The following TMEM106A variants were observed in gnomAD, a reference collection of about 807,000 sequenced individuals.
The protein encoded by TMEM106A is transmembrane protein 106A.
A neutral mutation model predicts 25.1 loss-of-function variants in TMEM106A; 22 were observed. The observed-to-expected ratio is 0.88, with a 90% CI of 0.63 to 1.25. The LOEUF (loss-of-function observed/expected upper bound fraction) is 1.25, where lower values mean the gene tolerates loss of function less well. Ranked by LOEUF, TMEM106A falls within the 50% of genes most tolerant of loss-of-function variation. The probability of loss-of-function intolerance (pLI) is 0.00; values close to 1 mark genes in which losing one functional copy is unlikely to be tolerated. For missense variants in TMEM106A, 275 were observed against 318.1 expected (o/e 0.86, Z 1.03); for synonymous variants, 104 against 129.9 (o/e 0.80, Z 1.35).
At chr17:43,216,008 G>A (rs2057482272) in intron 5 of TMEM106A, 67 bp downstream of exon 5, 2 of 1,591,468 alleles carry the variant, frequency 1.3e-6, no homozygotes, top group Non-Finnish European at 8.6e-7. Context: ...TTTGTCCAGT[G>A]TTATGACCCT....
intron 7 of TMEM106A, 164 bp from the exon 8 acceptor site, chr17:43,217,095 C>T: frequency 1.3e-6 from 1 of 742,224 alleles, no homozygotes; most frequent in East Asian, 2.5e-5. Context: ...CATGCTGCTA[C>T]ACTCACCTGA....
chr17:43,214,969 A>G (rs571831154), intron 4 of TMEM106A, among the ~76,000 whole-genome samples: 49 of 150,266 alleles, frequency 3.3e-4, no homozygotes, highest in Admixed American at 6.0e-4. Flanking sequence ...GAAAAAAAAA[A>G]AAAAACAAAA....
chr17:43,217,219 T>G (rs375149576), intron 7 of TMEM106A, 40 bp from the exon 8 acceptor site: 1 of 1,609,324 alleles, frequency 6.2e-7, no homozygotes, highest in African/African-American at 1.3e-5. Flanking sequence ...GGCTGCTCCA[T>G]GTGACACGTG....
intron 4 of TMEM106A, among the ~76,000 whole-genome samples, chr17:43,214,696 T>C (rs2057468154): frequency 6.6e-6 from 1 of 152,052 alleles, no homozygotes; most frequent in Admixed American, 6.6e-5. Context: ...TGGTGGTTTA[T>C]GCCTGTAATC....
rs1202965467 is a variant in TMEM106A, at chr17:43,215,857, T to A, written c.345T>A (p.Phe115Leu). ...CCTCCTTCATCGTCTTTTTCCTGTTTCCCCGGTCCGTCATTGTGCAGCCTG... is the reference window on the plus strand; with the variant it reads ...CCTCCTTCATCGTCTTTTTCCTGTTACCCCGGTCCGTCATTGTGCAGCCTG... ...VTSSFIVFFL[F>L]PRSVIVQPAG... is the part of the protein sequence containing the mutation. Residue 115 changes from phenylalanine (F) to leucine (L), a missense_variant, in exon 5 of 9, where the codon TTT becomes TTA. Coordinates refer to ENST00000612339, the MANE Select transcript of TMEM106A (RefSeq NM_145041.4). 4 of 1,613,918 alleles carry A rather than the reference T, an allele frequency of 2.5e-6. No individual in the cohort carries two copies. Among genetic ancestry groups the A allele is most frequent in the Non-Finnish European group, 3.4e-6 (4 of 1,180,012 alleles).
chr17:43,216,326 T>C (rs2057485511), intron 5 of TMEM106A, 123 bp from the exon 6 acceptor site: 2 of 1,351,848 alleles, frequency 1.5e-6, no homozygotes. Flanking sequence ...GTTTTCATCC[T>C]CTGCACCTGA....
intron 4 of TMEM106A, among the ~76,000 whole-genome samples, chr17:43,215,558 C>A (rs1200057691): frequency 6.6e-6 from 1 of 152,126 alleles, no homozygotes; most frequent in Non-Finnish European, 1.5e-5. Context: ...GTGGGCTGCT[C>A]CATGTTATTG....
intron 4 of TMEM106A, among the ~76,000 whole-genome samples, chr17:43,214,441 C>G (rs1335652722): frequency 2.6e-5 from 4 of 152,148 alleles, no homozygotes; most frequent in Admixed American, 6.5e-5. Context: ...AAGCACCTCC[C>G]TTGCTGAGGC....
intron 2 of TMEM106A, among the ~76,000 whole-genome samples, chr17:43,212,670 A>C (rs1017769300): frequency 2.0e-5 from 3 of 152,166 alleles, no homozygotes; most frequent in African/African-American, 4.8e-5. Context: ...TGCCCTATCC[A>C]ACTTCCTTCC....
intron 4 of TMEM106A, among the ~76,000 whole-genome samples, chr17:43,215,542 G>A (rs1440432876): frequency 6.6e-6 from 1 of 152,186 alleles, no homozygotes; most frequent in Admixed American, 6.5e-5. Context: ...GACTTAAGGA[G>A]GCTAAGTGGG....
At chr17:43,214,218 GAAAA>G (rs1367581146) in intron 4 of TMEM106A, among the ~76,000 whole-genome samples, 7 of 135,068 alleles carry the variant, frequency 5.2e-5, no homozygotes, top group Non-Finnish European at 9.5e-5. Flanking sequence ...AAAAAAAAAA[GAAAA>G]GAAAGAAAGA....
Position 43,213,027 on chromosome 17 carries a change from C to T in TMEM106A, c.-15C>T. On this transcript the variant is annotated 5_prime_UTR_variant, in exon 3 of 9. Transcript: ENST00000612339. Reference sequence around the variant, plus strand: ...TTTGGTCTTTTCTCATTAGTGAAACCCCCGCCCCTGAAGAATGGGTAAGAC... The same window carrying T: ...TTTGGTCTTTTCTCATTAGTGAAACTCCCGCCCCTGAAGAATGGGTAAGAC... The T allele has an allele frequency of 6.2e-7, 1 of 1,613,794 alleles. No individual in the cohort carries two copies. Among genetic ancestry groups the T allele is most frequent in the Non-Finnish European group, 8.5e-7 (1 of 1,179,836 alleles).
At chr17:43,215,109 G>T (rs1463404502) in intron 4 of TMEM106A, among the ~76,000 whole-genome samples, 1 of 152,002 alleles carries the variant, frequency 6.6e-6, no homozygotes, top group Non-Finnish European at 1.5e-5. Context: ...CGGGCATAGT[G>T]GCAGGCACCT....
At chr17:43,217,036 C>T (rs1325417849) in intron 7 of TMEM106A, 2 of 630,364 alleles carry the variant, frequency 3.2e-6, no homozygotes, top group East Asian at 5.4e-5. Context: ...GAATGGGGGT[C>T]CAGCATGTGC....
At chr17:43,216,356 G>C (rs2154582614) in intron 5 of TMEM106A, 93 bp from the exon 6 acceptor site, 1 of 1,522,994 alleles carries the variant, frequency 6.6e-7, no homozygotes, top group African/African-American at 1.4e-5. Context: ...TGGTAGATGG[G>C]GCTCAGGCCA....
rs1460894669 is a variant in TMEM106A at position 43,213,119 on chromosome 17, T to G, written c.78T>G (p.Ile26Met). 1 of 1,614,204 alleles carries G rather than the reference T, an allele frequency of 6.2e-7. No homozygotes were observed. Among genetic ancestry groups the G allele is most frequent in the Non-Finnish European group, 8.5e-7 (1 of 1,180,038 alleles). Residue 26 changes from isoleucine to methionine, a missense_variant, in exon 3 of 9, where the codon ATT (isoleucine) becomes ATG (methionine). By Grantham distance (10) the Ile-to-Met change is conservative (BLOSUM62 1). Coordinates refer to ENST00000612339, the MANE Select transcript of TMEM106A (RefSeq NM_145041.4). Reference sequence around the variant, plus strand: ...CAATCCTGTCCTCCAAACCAGCCATTGGCAGCAAGGCTGTCAACTACTCCA... The same window carrying G: ...CAATCCTGTCCTCCAAACCAGCCATGGGCAGCAAGGCTGTCAACTACTCCA... ...NKSILSSKPA[I>M]GSKAVNYSST...
At chr17:43,216,614 C>T (rs771935939) in intron 6 of TMEM106A, 25 bp downstream of exon 6, 13 of 1,614,188 alleles carry the variant, frequency 8.1e-6, no homozygotes, top group Non-Finnish European at 1.1e-5. Context: ...CCTGGCCAGC[C>T]CTGCCCACTG....
rs1470815996 is a variant in TMEM106A at position 43,219,458 on chromosome 17, G to A, written c.*1657G>A. 1 of 152,036 alleles carries A rather than the reference G, an allele frequency of 6.6e-6. No individual in the cohort carries two copies. The highest frequency in any genetic ancestry group is 2.4e-5 in the African/African-American group (1 of 41,342). 9.4% of individuals were successfully genotyped at this position (152,036 alleles called of 1,614,324 possible). A position where few individuals can be genotyped will look rare whatever the true frequency, so the allele number is the denominator to read the frequency against. ...AAAGGTGGCTTGGTCTTACAGCTGG[G>A]TGCAGTGGTATATACCTGTAGTCCC... On this transcript the variant is annotated 3_prime_UTR_variant, in exon 9 of 9. Transcript: ENST00000612339.
At position 43,216,178 on chromosome 17, in the gene TMEM106A, G is replaced by C. The variant is rs574551521; in HGVS notation, c.429+237G>C. ...GATAAGTAAACCACAGGGGTGGAGT[G>C]GGGTGACAGTGCCTGAGACTCTCTG... On this transcript the variant is annotated intron_variant, in intron 5 of 8. Coordinates refer to ENST00000612339, the MANE Select transcript of TMEM106A (RefSeq NM_145041.4). 2.3e-5 allele frequency: 15 copies of C among 651,068 alleles called. No homozygotes were observed. In the East Asian group the frequency reaches 4.1e-4, roughly 18 times the overall value. The allele number at this position is 651,068 out of a possible 1,614,324, so 40.3% of individuals were successfully genotyped here. A position where few individuals can be genotyped will look rare whatever the true frequency, so the allele number is the denominator to read the frequency against.
Sources: allele counts gnomAD v4.1 joint callset (sites outside exome capture counted in the v4.1 genomes callset), GRCh38; gene constraint gnomAD v4.1.1; transcripts MANE v1.5; gene names NCBI Gene and HGNC (gene_info 2026-07-23, HGNC 2026-07-21).